Variants in TYROBP observed in about 807,000 individuals in gnomAD.
TYROBP encodes the protein transmembrane immune signaling adaptor TYROBP.
Under a neutral mutation model 17.1 loss-of-function variants are expected in TYROBP, and 14 were observed. That is an observed-to-expected ratio of 0.82 (90% CI 0.54 to 1.28). TYROBP has a LOEUF of 1.28. TYROBP is among the 50% of genes most tolerant of loss of function. TYROBP has a pLI of 0.00. For synonymous variants in TYROBP, 73 were observed against 67.4 expected, an observed-to-expected ratio of 1.08 and a Z score of -0.41; for missense variants, 161 against 151.4, an observed-to-expected ratio of 1.06 and a Z score of -0.33.
intron 4 of TYROBP, among the ~76,000 whole-genome samples, 189 bp from the exon 5 acceptor site, chr19:35,904,823 T>G (rs1467563981): frequency 6.6e-6 from 1 of 152,090 alleles, no homozygotes; most frequent in Admixed American, 6.6e-5. Flanking sequence ...TCAGGGTCCC[T>G]GCGTGTGCTG....
In TYROBP at chr19:35,904,530, G is replaced by A; in HGVS notation, c.*39C>T. On this transcript the variant is annotated 3_prime_UTR_variant, in exon 5 of 5. Transcript: ENST00000262629. ...TGCAGGGTGGGCTTCAGGAATGGCT[G>A]GATCCAGGTATCATGTTGCTGACTG... 6.2e-7 allele frequency: 1 copy of A among 1,605,080 alleles called. No homozygotes were observed. Among genetic ancestry groups the A allele is most frequent in the Non-Finnish European group, 8.5e-7 (1 of 1,173,596 alleles).
rs1300799639 is a variant in TYROBP, at chr19:35,907,440, A to G, written c.229+6T>C. On this transcript the variant is annotated splice_donor_region_variant and intron_variant, in intron 3 of 4. Coordinates refer to ENST00000262629, the MANE Select transcript of TYROBP (RefSeq NM_003332.4). Reference sequence around the variant, plus strand: ...CCTCAGGATGTCCCCTGCTAGCCCCACTCACCCTCCGCAGCCCCTCGCCCC... The same window carrying G: ...CCTCAGGATGTCCCCTGCTAGCCCCGCTCACCCTCCGCAGCCCCTCGCCCC... 3.1e-6 allele frequency: 5 copies of G among 1,600,434 alleles called. No individual in the cohort carries two copies. Among genetic ancestry groups the G allele is most frequent in the Non-Finnish European group, 4.3e-6 (5 of 1,175,216 alleles).
chr19:35,905,128 C>T (rs1231223153), intron 4 of TYROBP, among the ~76,000 whole-genome samples: 3 of 152,220 alleles, frequency 2.0e-5, no homozygotes, highest in Non-Finnish European at 4.4e-5. Context: ...GGAATAAATA[C>T]ATCCGGGTAA....
chr19:35,908,057 C>T, intron 1 of TYROBP, 111 bp downstream of exon 1: 1 of 995,182 alleles, frequency 1.0e-6, no homozygotes, highest in Admixed American at 2.0e-5. Context: ...GGTTGGGGAC[C>T]TGCTCCCATC....
chr19:35,906,583 A>G (rs1337626125), intron 4 of TYROBP, among the ~76,000 whole-genome samples: 2 of 152,056 alleles, frequency 1.3e-5, no homozygotes, highest in Non-Finnish European at 2.9e-5. Flanking sequence ...GCTGAATGAC[A>G]TTCTCTGCCC....
Position 35,908,151 on chromosome 19 carries a change from G to A in TYROBP, c.61+17C>T, listed in dbSNP as rs534107069. ...GCCCAGGGACCCGGGAGGCAGCCAC[G>A]GAAGCCCCTAACTCACCACTTACAG... On this transcript the variant is annotated intron_variant, in intron 1 of 4. Transcript: ENST00000262629. 3.7e-6 allele frequency: 6 copies of A among 1,612,638 alleles called. No individual in the cohort carries two copies. The highest frequency in any genetic ancestry group is 3.3e-5 in the South Asian group (3 of 90,956).
intron 1 of TYROBP, 100 bp downstream of exon 1, chr19:35,908,068 C>T (rs1290568761): frequency 9.0e-7 from 1 of 1,105,570 alleles, no homozygotes. Flanking sequence ...TGCTCCCATC[C>T]CAACACCCAC....
chr19:35,906,068 C>G (rs534447410), intron 4 of TYROBP, among the ~76,000 whole-genome samples: 1 of 151,764 alleles, frequency 6.6e-6, no homozygotes, highest in Non-Finnish European at 1.5e-5. Flanking sequence ...GGGAGGATCA[C>G]TTGAGACTGG....
In TYROBP at chr19:35,904,440, G is replaced by A. The variant is rs950962123; in HGVS notation, c.*129C>T. The A allele has an allele frequency of 8.4e-6, 8 of 947,208 alleles. No homozygotes were observed. The African/African-American group carries it at 1.3e-4, about 15-fold the overall frequency. 58.7% of individuals were successfully genotyped at this position (947,208 alleles called of 1,614,324 possible). On this transcript the variant is annotated 3_prime_UTR_variant, in exon 5 of 5. Coordinates refer to ENST00000262629, the MANE Select transcript of TYROBP (RefSeq NM_003332.4). ...ATGTTTATTTTAGGAGAGTATTGGG[G>A]AGCGGTCTGGTCTCTCAGGGATGGC...
chr19:35,906,708 T>G (rs1385280624), intron 4 of TYROBP, among the ~76,000 whole-genome samples: 1 of 150,450 alleles, frequency 6.6e-6, no homozygotes, highest in Admixed American at 6.6e-5. Context: ...AAGCCACCCT[T>G]TTTTTTTTCT....
chr19:35,908,137 C>G (rs184784706), intron 1 of TYROBP, 31 bp downstream of exon 1: 11 of 1,606,704 alleles, frequency 6.8e-6, no homozygotes, highest in Non-Finnish European at 9.4e-6. Flanking sequence ...CCCAGGGACC[C>G]GGGAGGCAGC....
At chr19:35,906,177 GC>G (rs1001378227) in intron 4 of TYROBP, among the ~76,000 whole-genome samples, 1 of 145,996 alleles carries the variant, frequency 6.8e-6, no homozygotes, top group African/African-American at 2.5e-5. Context: ...TGCAACCTCC[GC>G]CCCCTGGGTT....
intron 4 of TYROBP, among the ~76,000 whole-genome samples, chr19:35,904,962 T>TA (rs78604543): frequency 0.038 from 4,998 of 132,264 alleles, 172 homozygotes; most frequent in African/African-American, 0.086. Context: ...CCAGCCACTG[T>TA]AAAAAAAAAA....
Position 35,904,671 on chromosome 19 carries a change from C to A in TYROBP, c.277-37G>T, listed in dbSNP as rs1371771643. The A allele has an allele frequency of 1.9e-6, 3 of 1,596,078 alleles. No homozygotes were observed. In the South Asian group the frequency reaches 3.4e-5, roughly 18 times the overall value. ...GGGGCCATCAGTGGAAGGGACCCAC[C>A]AAATAAAATCCAGCCTTCTCCCAGT... On this transcript the variant is annotated intron_variant, in intron 4 of 4. Coordinates refer to ENST00000262629, the MANE Select transcript of TYROBP (RefSeq NM_003332.4).
At chr19:35,907,123 G>T in intron 4 of TYROBP, 95 bp downstream of exon 4, 1 of 1,281,638 alleles carries the variant, frequency 7.8e-7, no homozygotes, top group Non-Finnish European at 1.1e-6. Context: ...TTTAGGCAGA[G>T]TGGCTTTGAG....
Position 35,907,600 on chromosome 19 carries a change from G to A in TYROBP, c.95-20C>T, listed in dbSNP as rs199707205. 1.1e-5 allele frequency: 18 copies of A among 1,614,086 alleles called. 1 individual carries two copies. ...TGCAATCTGCAGCACAGGGGTCAGG[G>A]GAGGTCAGTGTGTGCTGGGAACTGT... is the stretch of plus-strand genomic sequence containing the variant. On this transcript the variant is annotated intron_variant, in intron 2 of 4. Transcript: ENST00000262629.
At chr19:35,907,155 A>C (rs1975743175) in intron 4 of TYROBP, 63 bp downstream of exon 4, 3 of 1,486,668 alleles carry the variant, frequency 2.0e-6, no homozygotes, top group Non-Finnish European at 2.8e-6. Context: ...GGCATGAAGG[A>C]GTATCTGGGG....
rs532421415 is a variant in TYROBP, at chr19:35,904,467, C to G, written c.*102G>C. The G allele has an allele frequency of 5.1e-5, 63 of 1,233,472 alleles. 1 individual carries two copies. In the Admixed American group the frequency reaches 1.1e-3, roughly 22 times the overall value. 76.4% of individuals were successfully genotyped at this position (1,233,472 alleles called of 1,614,324 possible). On this transcript the variant is annotated 3_prime_UTR_variant, in exon 5 of 5. Transcript: ENST00000262629. The stretch of plus-strand genomic sequence containing the variant: ...GCGGTCTGGTCTCTCAGGGATGGCA[C>G]TCTGTGGGTCTGTATCGCGGTAGGA...
chr19:35,905,188 G>C (rs1975692318), intron 4 of TYROBP, among the ~76,000 whole-genome samples: 1 of 152,142 alleles, frequency 6.6e-6, no homozygotes, highest in African/African-American at 2.4e-5. Flanking sequence ...GGGCCCCTCG[G>C]TCTTCTGGAT....
Sources: gnomAD v4.1 joint callset for allele counts (sites outside exome capture counted in the v4.1 genomes callset) on GRCh38, gnomAD v4.1.1 for gene constraint, MANE v1.5 for transcripts, NCBI Gene and HGNC (gene_info 2026-07-23, HGNC 2026-07-21) for gene names.